Variants in AK8 observed in about 807,000 individuals in gnomAD.
The protein encoded by AK8 is adenylate kinase 8, also known as ATP-AMP transphosphorylase 8.
A neutral mutation model predicts 54.6 loss-of-function variants in AK8; 44 were observed. That is an observed-to-expected ratio of 0.81 (90% CI 0.63 to 1.04). The LOEUF (loss-of-function observed/expected upper bound fraction) is 1.04. Ranked by LOEUF, AK8 falls within the 50% of genes least tolerant of loss-of-function variation. The pLI is 0.00. For synonymous variants in AK8, 239 were observed against 245.6 expected (o/e 0.97, Z 0.25); for missense variants, 555 against 613.6 (o/e 0.90, Z 1.01).
rs1387332955 is a variant in AK8, at chr9:132,803,198, C to T, written c.980-10423G>A. Among the ~76,000 whole-genome samples, 9 of 152,190 alleles carry T rather than the reference C, an allele frequency of 5.9e-5. 1 individual carries two copies. Among genetic ancestry groups the T allele is most frequent in the South Asian group, 4.2e-4 (2 of 4,800 alleles). ...CCCCCAAGATTCAATTACCTCCCAC[C>T]GGGTCCCTCCCATGACACGTGAGGA... On this transcript the variant is annotated intron_variant, in intron 10 of 12. Transcript: ENST00000298545. The surrounding 1 kb of genome is among the most constrained non-coding windows in gnomAD (Gnocchi z 4.4).
intron 9 of AK8, among the ~76,000 whole-genome samples, chr9:132,819,166 T>C (rs1226234475): frequency 1.3e-5 from 2 of 152,172 alleles, no homozygotes; most frequent in Non-Finnish European, 2.9e-5. Context: ...AGATTGAAAA[T>C]ATCTGGGGTA....
At chr9:132,733,317 C>T (rs1564371303) in intron 11 of AK8, among the ~76,000 whole-genome samples, 13 of 152,180 alleles carry the variant, frequency 8.5e-5, no homozygotes. Context: ...CACGCGGCCC[C>T]CCTTGCACCC....
rs1179335147 is a variant in AK8 at position 132,863,562 on chromosome 9, C to A, written c.333+103G>T. 4 of 770,682 alleles carry A rather than the reference C, an allele frequency of 5.2e-6. No homozygotes were observed. In the East Asian group the frequency reaches 7.9e-5, roughly 15 times the overall value. 47.7% of individuals were successfully genotyped at this position (770,682 alleles called of 1,614,324 possible). The stretch of plus-strand genomic sequence containing the variant: ...ACCCCAGCATTTTCTTGTACTCAAT[C>A]AAAAATGAAATGGGAACAAACCAAG... On this transcript the variant is annotated intron_variant, in intron 4 of 12. Coordinates refer to ENST00000298545, the MANE Select transcript of AK8 (RefSeq NM_152572.3).
At chr9:132,857,792 C>G (rs961385385) in intron 4 of AK8, among the ~76,000 whole-genome samples, 1 of 152,222 alleles carries the variant, frequency 6.6e-6, no homozygotes, top group African/African-American at 2.4e-5. Context: ...GCAGCCTGCA[C>G]AGCAGGGGAC....
chr9:132,823,113 C>G, intron 9 of AK8, 92 bp downstream of exon 9: 2 of 1,466,940 alleles, frequency 1.4e-6, no homozygotes, highest in Non-Finnish European at 1.8e-6. Flanking sequence ...TCCCCCCCAA[C>G]ACCACCCCCC....
intron 11 of AK8, among the ~76,000 whole-genome samples, chr9:132,734,333 C>G (rs1836996925): frequency 1.3e-5 from 2 of 152,154 alleles, no homozygotes; most frequent in African/African-American, 4.8e-5. Context: ...ATGGTCTCAT[C>G]CTTGGCCGCA....
chr9:132,728,580 C>T (rs1836683863), intron 11 of AK8, among the ~76,000 whole-genome samples: 2 of 152,216 alleles, frequency 1.3e-5, no homozygotes, highest in South Asian at 4.1e-4. Context: ...CCCAGCGTGG[C>T]AGCTGTTATA....
At chr9:132,838,709 C>T (rs754405214) in intron 5 of AK8, among the ~76,000 whole-genome samples, 3 of 152,190 alleles carry the variant, frequency 2.0e-5, no homozygotes, top group Non-Finnish European at 4.4e-5. Context: ...TGTGCTACGG[C>T]CTCATCCGTA....
chr9:132,777,340 C>T (rs888799394), intron 11 of AK8, among the ~76,000 whole-genome samples: 2 of 152,086 alleles, frequency 1.3e-5, no homozygotes, highest in Non-Finnish European at 1.5e-5. Context: ...ACCTGATGCC[C>T]CAAATCCCAC....
intron 11 of AK8, among the ~76,000 whole-genome samples, chr9:132,788,862 G>A (rs191042240): frequency 2.0e-5 from 3 of 152,214 alleles, no homozygotes; most frequent in East Asian, 1.9e-4. Context: ...GCCTAACAAA[G>A]CACAAGAATG....
In AK8 at chr9:132,819,300, T is replaced by C. The variant is rs568734902; in HGVS notation, c.889+3905A>G. 7.9e-5 allele frequency among the ~76,000 whole-genome samples: 12 copies of C among 152,342 alleles called. 1 individual carries two copies. The highest frequency in any genetic ancestry group is 6.8e-3 in the Middle Eastern group (2 of 294). On this transcript the variant is annotated intron_variant, in intron 9 of 12. Transcript: ENST00000298545. Reference sequence around the variant, plus strand: ...GGTATTATAAGTAATCTAGAGATGATTTAAAGTGTATAGGAGAATGTATGT... The same window carrying C: ...GGTATTATAAGTAATCTAGAGATGACTTAAAGTGTATAGGAGAATGTATGT...
chr9:132,853,128 G>A lies in AK8; in HGVS notation c.402+1729C>T, dbSNP rs1347192532. 3.3e-5 allele frequency among the ~76,000 whole-genome samples: 5 copies of A among 151,438 alleles called. No homozygotes were observed. In the East Asian group the frequency reaches 7.8e-4, roughly 24 times the overall value. On this transcript the variant is annotated intron_variant, in intron 5 of 12. Coordinates refer to ENST00000298545, the MANE Select transcript of AK8 (RefSeq NM_152572.3). ...TCCCAGCACTTTGGGAGGCCAAGGC[G>A]GGTGGATCACCCGAGGTCAGGAGTT...
chr9:132,735,785 G>A (rs921936152), intron 11 of AK8, among the ~76,000 whole-genome samples: 3 of 152,170 alleles, frequency 2.0e-5, no homozygotes, highest in African/African-American at 4.8e-5. Context: ...AGCATGATTC[G>A]CAACAGCCAA....
intron 11 of AK8, among the ~76,000 whole-genome samples, chr9:132,742,946 C>T (rs1479773594): frequency 6.6e-6 from 1 of 152,212 alleles, no homozygotes; most frequent in East Asian, 1.9e-4. Context: ...ACGACTCAAC[C>T]CAGGTGAATT....
chr9:132,762,498 C>T (rs1759989737), intron 11 of AK8, among the ~76,000 whole-genome samples: 1 of 152,142 alleles, frequency 6.6e-6, no homozygotes, highest in Non-Finnish European at 1.5e-5. Context: ...AGTCAGCTCT[C>T]CCTTCCACAA....
intron 4 of AK8, among the ~76,000 whole-genome samples, chr9:132,859,587 G>A (rs1319280365): frequency 6.6e-6 from 1 of 151,528 alleles, no homozygotes; most frequent in Admixed American, 6.6e-5. Context: ...CTCCTCAGTG[G>A]CCTTCCCCCT....
chr9:132,853,922 T>C (rs1387807455), intron 5 of AK8, among the ~76,000 whole-genome samples: 2 of 151,788 alleles, frequency 1.3e-5, no homozygotes, highest in Non-Finnish European at 2.9e-5. Flanking sequence ...AGTGAAACAT[T>C]TGTAAAATGC....
At chr9:132,875,406 C>T (rs1003647450) in intron 1 of AK8, among the ~76,000 whole-genome samples, 6 of 152,134 alleles carry the variant, frequency 3.9e-5, no homozygotes, top group Non-Finnish European at 5.9e-5. Context: ...TGCGGAGGCA[C>T]CTATGGGGAG....
intron 10 of AK8, among the ~76,000 whole-genome samples, chr9:132,804,064 C>T (rs1383047097): frequency 6.7e-6 from 1 of 149,586 alleles, no homozygotes; most frequent in African/African-American, 2.5e-5. Flanking sequence ...CGAGATCGCG[C>T]CACTGCGATC....
Sources: gnomAD v4.1 joint callset for allele counts (sites outside exome capture counted in the v4.1 genomes callset) on GRCh38, gnomAD v4.1.1 for gene constraint, Gnocchi (gnomAD v3.1) non-coding constraint, MANE v1.5 for transcripts, NCBI Gene and HGNC (gene_info 2026-07-23, HGNC 2026-07-21) for gene names.